The following KCNH5 variants were observed in gnomAD, a reference collection of about 807,000 sequenced individuals.
KCNH5 encodes voltage-gated delayed rectifier potassium channel KCNH5.
Under a neutral mutation model 96.1 loss-of-function variants are expected in KCNH5, and 46 were observed. The observed-to-expected ratio is 0.48, with a 90% confidence interval of 0.38 to 0.61. KCNH5 has a LOEUF of 0.61. KCNH5 is among the 20% of genes least tolerant of loss of function. KCNH5 has a pLI of 0.00. For synonymous variants in KCNH5, 439 were observed against 449.8 expected (o/e 0.98, Z 0.30); for missense variants, 907 against 1,225.8 (o/e 0.74, Z 3.88).
At position 62,849,849 on chromosome 14, in the gene KCNH5, A is replaced by G; in HGVS notation, c.1373T>C (p.Leu458Pro). The change falls in exon 8 of 11, where the codon CTT becomes CCT. Residue 458 changes from leucine (L) to proline (P), a missense_variant. Transcript: ENST00000322893. Reference protein sequence around the residue: ...FSVAMMMVGSLLYATIFGNVT... With the variant: ...FSVAMMMVGSPLYATIFGNVT... ...ATTTCCAAAAATAGTTGCATAAAGA[A>G]GAGCTGAAAGAGAAGAAATGATAAA... 3.1e-6 allele frequency: 5 copies of G among 1,607,840 alleles called. No homozygotes were observed. The highest frequency in any genetic ancestry group is 4.3e-6 in the Non-Finnish European group (5 of 1,174,700).
intron 7 of KCNH5, among the ~76,000 whole-genome samples, chr14:62,901,802 A>T (rs1485381932): frequency 6.6e-6 from 1 of 152,210 alleles, no homozygotes; most frequent in East Asian, 1.9e-4. Flanking sequence ...AGAAATTGTT[A>T]TACTGCTTTC....
chr14:63,013,695 T>C (rs964553091), intron 2 of KCNH5, among the ~76,000 whole-genome samples: 3 of 152,144 alleles, frequency 2.0e-5, no homozygotes, highest in Non-Finnish European at 4.4e-5. Context: ...AACACTGTTT[T>C]ATAAACTGCT....
intron 7 of KCNH5, among the ~76,000 whole-genome samples, chr14:62,901,215 C>T (rs1888918475): frequency 6.6e-6 from 1 of 151,934 alleles, no homozygotes; most frequent in African/African-American, 2.4e-5. Context: ...TATTTATTTT[C>T]ATTTATTTAT....
At chr14:63,002,432 G>C (rs1285208150) in intron 3 of KCNH5, among the ~76,000 whole-genome samples, 1 of 152,162 alleles carries the variant, frequency 6.6e-6, no homozygotes, top group Non-Finnish European at 1.5e-5. Flanking sequence ...CAATCAAAGA[G>C]ACACTTTTCT....
At chr14:62,883,582 C>G (rs1321342913) in intron 7 of KCNH5, among the ~76,000 whole-genome samples, 6 of 151,804 alleles carry the variant, frequency 4.0e-5, no homozygotes, top group Admixed American at 2.6e-4. Context: ...ATTCATATCA[C>G]CTAAATGAAA....
intron 7 of KCNH5, among the ~76,000 whole-genome samples, chr14:62,930,743 T>A (rs886483288): frequency 1.3e-5 from 2 of 152,148 alleles, no homozygotes. Flanking sequence ...CTCATTTTTT[T>A]AAATTTAGTT....
At chr14:63,023,763 T>G (rs938943419) in intron 1 of KCNH5, among the ~76,000 whole-genome samples, 2 of 152,126 alleles carry the variant, frequency 1.3e-5, no homozygotes, top group South Asian at 2.1e-4. Flanking sequence ...AAAATTAAAA[T>G]CATATAAAGT....
chr14:62,836,717 G>A (rs1463317808), intron 8 of KCNH5, among the ~76,000 whole-genome samples: 2 of 151,958 alleles, frequency 1.3e-5, no homozygotes, highest in African/African-American at 4.8e-5. Flanking sequence ...TTTTATTAGG[G>A]AATTGAAAAA....
At chr14:62,777,518 A>C (rs546135109) in intron 10 of KCNH5, among the ~76,000 whole-genome samples, 1 of 152,342 alleles carries the variant, frequency 6.6e-6, no homozygotes, top group Admixed American at 6.5e-5. Context: ...CTCACCACTT[A>C]TCTTTTTCAT....
In KCNH5 at chr14:62,866,233, T is replaced by G. The variant is rs150927210; in HGVS notation, c.1370-16381A>C. 5.9e-5 allele frequency among the ~76,000 whole-genome samples: 9 copies of G among 152,314 alleles called. No individual in the cohort carries two copies. In the East Asian group the frequency reaches 1.2e-3, roughly 20 times the overall value. ...TGGAATCAATAAAAACCTGCAAGGT[T>G]CACAAAAATGGCACTGGTTTAATAG... On this transcript the variant is annotated intron_variant, in intron 7 of 10. Coordinates refer to ENST00000322893, the MANE Select transcript of KCNH5 (RefSeq NM_139318.5).
Position 62,700,900 on chromosome 14 carries a change from C to T in KCNH5, c.*6608G>A, listed in dbSNP as rs1487816893. Reference sequence around the variant, plus strand: ...CAATTTCTCTAACTCAATGGAGAGTCTGACCAAAAGCTTTGGATAGAGGGA... The same window carrying T: ...CAATTTCTCTAACTCAATGGAGAGTTTGACCAAAAGCTTTGGATAGAGGGA... On this transcript the variant is annotated 3_prime_UTR_variant, in exon 11 of 11. Transcript: ENST00000322893. 2 of 152,118 alleles carry T rather than the reference C, an allele frequency of 1.3e-5. No individual in the cohort carries two copies. The highest frequency in any genetic ancestry group is 4.8e-5 in the African/African-American group (2 of 41,434). The allele number at this position is 152,118 out of a possible 1,614,324, so 9.4% of individuals were successfully genotyped here. A position where few individuals can be genotyped will look rare whatever the true frequency, so the allele number is the denominator to read the frequency against.
rs146301976 is a variant in KCNH5 at position 62,832,475 on chromosome 14, C to T, written c.1569+17178G>A. Among the ~76,000 whole-genome samples the T allele has an allele frequency of 5.3e-5, 8 of 152,150 alleles. 1 individual carries two copies. The highest frequency in any genetic ancestry group is 3.9e-4 in the East Asian group (2 of 5,174). ...TATAGATGAATTATATATCGTTGTT[C>T]GTATTTAGCAGATTTTCTTTTTCCA... On this transcript the variant is annotated intron_variant, in intron 8 of 10. Transcript: ENST00000322893.
At chr14:62,789,371 A>G (rs1044929580) in intron 9 of KCNH5, among the ~76,000 whole-genome samples, 2 of 152,058 alleles carry the variant, frequency 1.3e-5, no homozygotes, top group African/African-American at 4.8e-5. Context: ...GCCTATTGTG[A>G]ACAATACTGC....
chr14:62,870,443 G>A (rs1465184540), intron 7 of KCNH5, among the ~76,000 whole-genome samples: 1 of 152,112 alleles, frequency 6.6e-6, no homozygotes, highest in African/African-American at 2.4e-5. Context: ...AAGCTTATGT[G>A]TCCAAAGTAG....
chr14:62,966,699 T>C lies in KCNH5; in HGVS notation c.942+14173A>G, dbSNP rs78708391. 9.4e-3 allele frequency among the ~76,000 whole-genome samples: 1,435 copies of C among 152,294 alleles called. 10 individuals are homozygous for C. Among genetic ancestry groups the C allele is most frequent in the East Asian group, 0.042 (216 of 5,170 alleles). On this transcript the variant is annotated intron_variant, in intron 6 of 10. Transcript: ENST00000322893. ...ACTTTGCAAAGACCTATTAACTCTTTAGTGAAAAGTATCTGCAGACAGTTT... is the reference window on the plus strand; with the variant it reads ...ACTTTGCAAAGACCTATTAACTCTTCAGTGAAAAGTATCTGCAGACAGTTT...
At chr14:62,979,658 A>G (rs556742028) in intron 6 of KCNH5, among the ~76,000 whole-genome samples, 1 of 152,290 alleles carries the variant, frequency 6.6e-6, no homozygotes, top group East Asian at 1.9e-4. Context: ...ATCATAATGA[A>G]CATATTTTAA....
At chr14:62,912,444 T>C (rs982928024) in intron 7 of KCNH5, among the ~76,000 whole-genome samples, 1 of 152,092 alleles carries the variant, frequency 6.6e-6, no homozygotes, top group African/African-American at 2.4e-5. Flanking sequence ...TTCGCTTTTT[T>C]CGCCCTGGAT....
chr14:62,740,163 G>A (rs1328968799), intron 10 of KCNH5, among the ~76,000 whole-genome samples: 2 of 152,094 alleles, frequency 1.3e-5, no homozygotes, highest in African/African-American at 4.8e-5. Context: ...ATTATAGGAA[G>A]GAATAAGATA....
At chr14:62,840,611 G>T (rs1887565528) in intron 8 of KCNH5, among the ~76,000 whole-genome samples, 1 of 103,920 alleles carries the variant, frequency 9.6e-6, no homozygotes. Context: ...TTGCTCTGTA[G>T]CCAGGCTGGA....
Sources: gnomAD v4.1 joint callset for allele counts (sites outside exome capture counted in the v4.1 genomes callset) on GRCh38, gnomAD v4.1.1 for gene constraint, MANE v1.5 for transcripts, NCBI Gene and HGNC (gene_info 2026-07-23, HGNC 2026-07-21) for gene names.